Variants in HS2ST1 observed in about 807,000 individuals in gnomAD.
HS2ST1 encodes the protein heparan sulfate 2-O-sulfotransferase 1.
A neutral mutation model predicts 42.9 loss-of-function variants in HS2ST1; 18 were observed. The ratio of observed to expected loss-of-function variants is 0.42; its 90% CI spans 0.29 to 0.62. HS2ST1 has a LOEUF of 0.62. Among genes scored for constraint, HS2ST1 ranks in the 20% least tolerant of loss-of-function variants. The probability of loss-of-function intolerance (pLI) is 0.21; values close to 1 mark genes in which losing one functional copy is unlikely to be tolerated. For synonymous variants in HS2ST1, 146 were observed against 152.9 expected, an observed-to-expected ratio of 0.95 and a Z score of 0.33; for missense variants, 334 against 433.8, an observed-to-expected ratio of 0.77 and a Z score of 2.04.
chr1:87,068,500 C>T (rs1651312127), intron 1 of HS2ST1, among the ~76,000 whole-genome samples: 1 of 152,184 alleles, frequency 6.6e-6, no homozygotes, highest in Admixed American at 6.5e-5. Context: ...ATGTCATCTG[C>T]AAACAGAGAC....
chr1:86,995,030 A>T (rs1305484034), intron 1 of HS2ST1, among the ~76,000 whole-genome samples: 1 of 152,146 alleles, frequency 6.6e-6, no homozygotes, highest in Non-Finnish European at 1.5e-5. Flanking sequence ...TGTCAAAAAT[A>T]AAAAGTTGGA....
intron 1 of HS2ST1, among the ~76,000 whole-genome samples, chr1:86,924,925 G>A (rs952902856): frequency 6.6e-6 from 1 of 152,178 alleles, no homozygotes; most frequent in African/African-American, 2.4e-5. Context: ...TTTCTCCTGA[G>A]AAAATGAAAT....
At position 87,063,111 on chromosome 1, in the gene HS2ST1, C is replaced by G. The variant is rs552818612; in HGVS notation, c.125-9823C>G. On this transcript the variant is annotated intron_variant, in intron 1 of 6. Coordinates refer to ENST00000370550, the MANE Select transcript of HS2ST1 (RefSeq NM_012262.4). ...ACTTTTCAACCCTGCTTTCTTTCTC[C>G]TATTCTTTTAAGACTCTGTGACACC... Among the ~76,000 whole-genome samples, 4 of 152,238 alleles carry G rather than the reference C, an allele frequency of 2.6e-5. No homozygotes were observed. The East Asian group carries it at 7.7e-4, about 29-fold the overall frequency.
chr1:86,982,454 T>G (rs1402934525), intron 1 of HS2ST1, among the ~76,000 whole-genome samples: 1 of 152,204 alleles, frequency 6.6e-6, no homozygotes, highest in Admixed American at 6.5e-5. Flanking sequence ...TAAACAAAAG[T>G]TGCAATTTCA....
chr1:87,002,059 C>T (rs995755718), intron 1 of HS2ST1, among the ~76,000 whole-genome samples: 9 of 151,944 alleles, frequency 5.9e-5, no homozygotes, highest in African/African-American at 1.9e-4. Flanking sequence ...ACTGCAGGTG[C>T]CCGCCACCAA....
chr1:86,948,142 A>G (rs1647392193), intron 1 of HS2ST1, among the ~76,000 whole-genome samples: 1 of 152,078 alleles, frequency 6.6e-6, no homozygotes, highest in Non-Finnish European at 1.5e-5. Flanking sequence ...AAAACAAAAA[A>G]GACTTCTCAA....
chr1:86,979,728 T>C (rs1419224053), intron 1 of HS2ST1, among the ~76,000 whole-genome samples: 2 of 152,216 alleles, frequency 1.3e-5, no homozygotes, highest in Non-Finnish European at 2.9e-5. Flanking sequence ...GACCCAGAAG[T>C]GGAATTGCTC....
At chr1:87,043,013 C>T (rs758032772) in intron 1 of HS2ST1, among the ~76,000 whole-genome samples, 1 of 152,090 alleles carries the variant, frequency 6.6e-6, no homozygotes, top group Non-Finnish European at 1.5e-5. Flanking sequence ...TGCTATTATT[C>T]TTCCTTTCCC....
rs1251159955 is a variant in HS2ST1, at chr1:87,104,963, A to C, written c.*267A>C. The C allele has an allele frequency of 2.8e-6, 1 of 355,494 alleles. No individual in the cohort carries two copies. The highest frequency in any genetic ancestry group is 5.0e-5 in the East Asian group (1 of 20,188). The allele number at this position is 355,494 out of a possible 1,614,324, so 22.0% of individuals were successfully genotyped here. Reference sequence around the variant, plus strand: ...GAGAAAATATACATCACCTAAAATGAACTTATGGCAGGTCTAATCAAAAGG... The same window carrying C: ...GAGAAAATATACATCACCTAAAATGCACTTATGGCAGGTCTAATCAAAAGG... On this transcript the variant is annotated 3_prime_UTR_variant, in exon 7 of 7. Transcript: ENST00000370550.
chr1:87,097,625 C>T (rs1570546439), intron 4 of HS2ST1, among the ~76,000 whole-genome samples: 1 of 152,164 alleles, frequency 6.6e-6, no homozygotes, highest in African/African-American at 2.4e-5. Context: ...ATTTCTTGAC[C>T]TCGCGATCTG....
In HS2ST1 at chr1:87,109,698, AATG is replaced by A. The variant is rs1445943647; in HGVS notation, c.*5007_*5009del. ...TATTGGGTTGATAAAATACCAGTTC[AATG>A]ATGAGTTTTCTTAACAGAATTTGGT... On this transcript the variant is annotated 3_prime_UTR_variant, in exon 7 of 7. Coordinates refer to ENST00000370550, the MANE Select transcript of HS2ST1 (RefSeq NM_012262.4). 2.6e-5 allele frequency: 4 copies of A among 152,096 alleles called. No individual in the cohort carries two copies. Among genetic ancestry groups the A allele is most frequent in the Non-Finnish European group, 5.9e-5 (4 of 67,974 alleles). 9.4% of individuals were successfully genotyped at this position (152,096 alleles called of 1,614,324 possible).
At chr1:87,055,166 A>G (rs749070912) in intron 1 of HS2ST1, among the ~76,000 whole-genome samples, 3 of 152,148 alleles carry the variant, frequency 2.0e-5, no homozygotes, top group Non-Finnish European at 2.9e-5. Context: ...TTCTTACACA[A>G]GCTTGAAATA....
chr1:86,915,108 G>T lies in HS2ST1; in HGVS notation c.72G>T (p.Met24Ile). 2 of 1,614,128 alleles carry T rather than the reference G, an allele frequency of 1.2e-6. No individual in the cohort carries two copies. Among genetic ancestry groups the T allele is most frequent in the South Asian group, 2.2e-5 (2 of 91,088 alleles). ...LLAVVAFAVA[M>I]LFLENQIQKL... ...CGGTGGTGGCCTTCGCGGTGGCGAT[G>T]CTCTTCTTGGAAAACCAGATCCAGA... Residue 24 changes from methionine (M) to isoleucine (I), a missense_variant, in exon 1 of 7, where the codon ATG becomes ATT. Physicochemically the swap from Met to Ile is conservative, Grantham distance 10. Transcript: ENST00000370550.
chr1:86,968,051 G>A (rs2102205804), intron 1 of HS2ST1, among the ~76,000 whole-genome samples: 1 of 152,292 alleles, frequency 6.6e-6, no homozygotes, highest in African/African-American at 2.4e-5. Flanking sequence ...GATTAGTGAT[G>A]TTGAGCAGCG....
intron 1 of HS2ST1, among the ~76,000 whole-genome samples, chr1:87,061,374 A>T (rs1265814814): frequency 6.6e-6 from 1 of 152,064 alleles, no homozygotes; most frequent in African/African-American, 2.4e-5. Flanking sequence ...AGGAAACCCC[A>T]TCACCGTTAA....
At chr1:86,935,777 T>C (rs1313072014) in intron 1 of HS2ST1, among the ~76,000 whole-genome samples, 4 of 152,248 alleles carry the variant, frequency 2.6e-5, no homozygotes, top group African/African-American at 7.2e-5. Flanking sequence ...TAATTTTCTT[T>C]GTCTCATTTA....
At chr1:86,977,677 A>C (rs1169400601) in intron 1 of HS2ST1, among the ~76,000 whole-genome samples, 2 of 152,226 alleles carry the variant, frequency 1.3e-5, no homozygotes, top group African/African-American at 4.8e-5. Context: ...CCTCAAGCCC[A>C]AGAGAAAGCA....
chr1:86,963,785 G>T (rs1190477965), intron 1 of HS2ST1, among the ~76,000 whole-genome samples: 2 of 140,172 alleles, frequency 1.4e-5, no homozygotes, highest in African/African-American at 5.7e-5. Flanking sequence ...TGGCCGGGTG[G>T]GGGCTGGCCC....
intron 1 of HS2ST1, among the ~76,000 whole-genome samples, chr1:87,004,263 C>T (rs1253157714): frequency 6.6e-6 from 1 of 151,922 alleles, no homozygotes; most frequent in Non-Finnish European, 1.5e-5. Flanking sequence ...TGGTGGCAGG[C>T]ACCTGTAATC....
Sources: allele counts gnomAD v4.1 joint callset (sites outside exome capture counted in the v4.1 genomes callset), GRCh38; gene constraint gnomAD v4.1.1; transcripts MANE v1.5; gene names NCBI Gene and HGNC (gene_info 2026-07-23, HGNC 2026-07-21).